Variants in MYH7B observed in about 807,000 individuals in gnomAD.
MYH7B encodes myosin-7B.
A neutral mutation model predicts 234.5 loss-of-function variants in MYH7B; 205 were observed. The ratio of observed to expected loss-of-function variants is 0.87; its 90% CI spans 0.78 to 0.98. The LOEUF (loss-of-function observed/expected upper bound fraction) is 0.98, where lower values mean the gene tolerates loss of function less well. Among genes scored for constraint, MYH7B ranks in the 50% least tolerant of loss-of-function variants. MYH7B has a pLI of 0.00. For missense variants in MYH7B, 2,652 were observed against 2,633.4 expected (o/e 1.01, Z -0.15); for synonymous variants, 1,193 against 1,105.0 (o/e 1.08, Z -1.58).
In MYH7B at chr20:34,979,728, T is replaced by C. The variant is rs780505151; in HGVS notation, c.266T>C (p.Met89Thr). 1.9e-5 allele frequency: 30 copies of C among 1,614,072 alleles called. No individual in the cohort carries two copies. The highest frequency in any genetic ancestry group is 1.6e-4 in the Middle Eastern group (1 of 6,084). The change falls in exon 7 of 45, where the codon ATG becomes ACG. Residue 89 changes from methionine to threonine, a missense_variant. Physicochemically the swap from Met to Thr is moderately conservative, Grantham distance 81. Around this residue, in one of 3 missense-constraint regions of MYH7B, gnomAD observed 366 missense variants for 401.2 expected, o/e 0.91. Coordinates refer to ENST00000262873, the Ensembl canonical transcript of MYH7B. ...CCTCGCTTCGACTTACTGGAGGACA[T>C]GGCCATGATGACGCACCTGAACGAG...
chr20:34,959,801 G>GT (rs1453124764), intron 2 of MYH7B, among the ~76,000 whole-genome samples: 1 of 152,126 alleles, frequency 6.6e-6, no homozygotes, highest in East Asian at 1.9e-4. Flanking sequence ...AGTGAAATCT[G>GT]TTTTTTCCTA....
At chr20:34,983,627 G>A (rs2081974185) in intron 10 of MYH7B, among the ~76,000 whole-genome samples, 1 of 152,144 alleles carries the variant, frequency 6.6e-6, no homozygotes. Flanking sequence ...GGTGGGAGAG[G>A]CTGCCCGCAG....
chr20:34,986,885 GACATGCT>G lies in MYH7B; in HGVS notation c.905_911del (p.Asp302GlyfsTer5), dbSNP rs1319529987. ...CTCCCTTCTCTGCCCTGTGTCCCCAGACATGCTGCTTCTGTCTATGAACCCCTATGAC... is the reference window on the plus strand; with the variant it reads ...CTCCCTTCTCTGCCCTGTGTCCCCAGGCTTCTGTCTATGAACCCCTATGAC... On this transcript the variant is annotated frameshift_variant and splice_region_variant, in exon 15 of 45. Transcript: ENST00000262873. LOFTEE classifies it high-confidence loss of function. 5 of 1,613,474 alleles carry G rather than the reference GACATGCT, an allele frequency of 3.1e-6. No individual in the cohort carries two copies. The highest frequency in any genetic ancestry group is 4.2e-6 in the Non-Finnish European group (5 of 1,179,494).
chr20:34,994,010 C>A, intron 26 of MYH7B, 136 bp from the exon 27 acceptor site: 2 of 1,197,426 alleles, frequency 1.7e-6, no homozygotes, highest in South Asian at 1.5e-5. Flanking sequence ...TCCCCTCACC[C>A]TCACCTATAA....
exon 8 of MYH7B, chr20:34,980,672 G>A (rs762719894): frequency 1.2e-5 from 19 of 1,614,016 alleles, no homozygotes; most frequent in Non-Finnish European, 1.6e-5. Flanking sequence ...GGAAAGCGCC[G>A]CTCAGATTCC....
At chr20:34,996,227 T>C in intron 28 of MYH7B, 119 bp from the exon 29 acceptor site, 1 of 1,183,658 alleles carries the variant, frequency 8.4e-7, no homozygotes, top group East Asian at 2.6e-5. Context: ...AGGCTCGGAG[T>C]CAAGTGACTT....
At chr20:34,999,432 G>C (rs1385164439) in intron 36 of MYH7B, 27 bp downstream of exon 36, 19 of 1,512,864 alleles carry the variant, frequency 1.3e-5, no homozygotes, top group Non-Finnish European at 1.5e-5. Context: ...GCCAGGGCCA[G>C]GGTGCTGCCC....
chr20:34,998,230 A>G (rs1404251600), intron 32 of MYH7B, 65 bp from the exon 33 acceptor site: 1 of 1,582,476 alleles, frequency 6.3e-7, no homozygotes. Context: ...AGATCCTGCC[A>G]TCTGATGCAC....
intron 16 of MYH7B, 104 bp downstream of exon 16, chr20:34,987,391 T>A: frequency 6.7e-7 from 1 of 1,501,054 alleles, no homozygotes; most frequent in Admixed American, 1.8e-5. Flanking sequence ...CAGTCTTACC[T>A]GGCCCTGCCT....
At chr20:34,996,634 GAGA>G (rs745416912) in exon 30 of MYH7B, 26 of 1,612,558 alleles carry the variant, frequency 1.6e-5, no homozygotes, top group Non-Finnish European at 1.9e-5. Context: ...CCTGGAGCAG[GAGA>G]AGAAGCTGCG....
rs369923809 is a variant in MYH7B, at chr20:35,001,459, G to A, written c.5609G>A (p.Arg1870His). The A allele has an allele frequency of 4.4e-5, 70 of 1,607,262 alleles. 1 individual carries two copies. In the East Asian group the frequency reaches 6.5e-4, roughly 15 times the overall value. The stretch of plus-strand genomic sequence containing the variant: ...GAGGAGGACAGGAAGAACCTGGCTC[G>A]CATGCAGGACCTGGTGGACAAGCTG... The change falls in exon 43 of 45, where the codon CGC becomes CAC. Residue 1870 changes from arginine (R) to histidine (H), a missense_variant. Around this residue, in one of 3 missense-constraint regions of MYH7B, gnomAD observed 2,279 missense variants for 2,211.4 expected, o/e 1.03. Transcript: ENST00000262873.
exon 36 of MYH7B, chr20:34,999,382 A>G (rs1473192789): frequency 6.6e-7 from 1 of 1,525,236 alleles, no homozygotes; most frequent in Non-Finnish European, 8.8e-7. Context: ...GAGACGCTCA[A>G]GCGGGAGAAC....
intron 3 of MYH7B, among the ~76,000 whole-genome samples, chr20:34,976,988 G>C (rs1164964338): frequency 1.3e-5 from 2 of 152,308 alleles, no homozygotes; most frequent in Non-Finnish European, 2.9e-5. Flanking sequence ...ACCCTGAGTA[G>C]AGCCGAGGGG....
At position 34,996,759 on chromosome 20, in the gene MYH7B, G is replaced by C. The variant is rs2082267875; in HGVS notation, c.3266+1G>C. On this transcript the variant is annotated splice_donor_variant, in intron 30 of 44. Transcript: ENST00000262873. LOFTEE classifies it high-confidence loss of function. The stretch of plus-strand genomic sequence containing the variant: ...AGCAGCTGGAGGAGAAGCTCAAGAA[G>C]TAGGTGTGGTGGGGCAGCAGGTGGG... 6.2e-7 allele frequency: 1 copy of C among 1,609,802 alleles called. No homozygotes were observed. Among genetic ancestry groups the C allele is most frequent in the Non-Finnish European group, 8.5e-7 (1 of 1,178,366 alleles).
At chr20:34,975,716 G>A (rs1252269317) in intron 3 of MYH7B, among the ~76,000 whole-genome samples, 1 of 152,060 alleles carries the variant, frequency 6.6e-6, no homozygotes. Context: ...GCCAAGTTTG[G>A]CACTGTAATT....
chr20:34,986,449 T>A (rs962206727), intron 14 of MYH7B, among the ~76,000 whole-genome samples: 2 of 152,208 alleles, frequency 1.3e-5, no homozygotes, highest in Non-Finnish European at 2.9e-5. Flanking sequence ...GTCCTGAGAC[T>A]AGAGAGGTCC....
chr20:34,977,743 G>A, intron 4 of MYH7B, 63 bp downstream of exon 4: 2 of 1,414,750 alleles, frequency 1.4e-6, no homozygotes, highest in East Asian at 2.5e-5. Context: ...GGTGGGTGAG[G>A]GTGCCCATGG....
Position 35,002,164 on chromosome 20 carries a change from CCT to C in MYH7B, c.5815-12_5815-11del, listed in dbSNP as rs1411148742. The C allele has an allele frequency of 6.3e-7, 1 of 1,578,412 alleles. No homozygotes were observed. Among genetic ancestry groups the C allele is most frequent in the East Asian group, 2.2e-5 (1 of 44,472 alleles). ...AGGTAGTACTGCTCACTCAGCTATCCCTTTCTCCTCAGCACAAGGAGTGACGG... is the reference window on the plus strand; with the variant it reads ...AGGTAGTACTGCTCACTCAGCTATCCTTCTCCTCAGCACAAGGAGTGACGG... On this transcript the variant is annotated splice_polypyrimidine_tract_variant and intron_variant, in intron 44 of 44. Coordinates refer to ENST00000262873, the Ensembl canonical transcript of MYH7B.
exon 19 of MYH7B, chr20:34,988,184 G>A (rs2082067788): frequency 6.2e-7 from 1 of 1,614,092 alleles, no homozygotes; most frequent in Admixed American, 1.7e-5. Flanking sequence ...AGCAGGAGGA[G>A]TACAAGCGGG....
Sources: allele counts gnomAD v4.1 joint callset (sites outside exome capture counted in the v4.1 genomes callset), GRCh38; gene constraint gnomAD v4.1.1; regional missense constraint gnomAD v4.1.1; transcripts MANE v1.5; gene names NCBI Gene and HGNC (gene_info 2026-07-23, HGNC 2026-07-21).